The following DENND4A variants were observed in gnomAD, a reference collection of about 807,000 sequenced individuals.
The protein encoded by DENND4A is C-myc promoter-binding protein.
In DENND4A, 70 loss-of-function variants were observed where a neutral mutation model predicts 199.3. That is an observed-to-expected ratio of 0.35 (90% CI 0.29 to 0.43). The LOEUF (loss-of-function observed/expected upper bound fraction) is 0.43. Among genes scored for constraint, DENND4A ranks in the 20% least tolerant of loss-of-function variants. The pLI, the probability that DENND4A is intolerant of heterozygous loss-of-function variation, is 1.00. For missense variants in DENND4A, 1,723 were observed against 2,255.8 expected (o/e 0.76, Z 4.78); for synonymous variants, 686 against 766.9 (o/e 0.89, Z 1.74).
intron 15 of DENND4A, among the ~76,000 whole-genome samples, chr15:65,704,331 G>A (rs952684729): frequency 4.6e-5 from 7 of 152,074 alleles, no homozygotes; most frequent in African/African-American, 9.7e-5. Context: ...GAAAAAAACC[G>A]ACAGATTCTT....
At chr15:65,749,995 A>G (rs1178232922) in intron 4 of DENND4A, among the ~76,000 whole-genome samples, 1 of 152,242 alleles carries the variant, frequency 6.6e-6, no homozygotes, top group Non-Finnish European at 1.5e-5. Flanking sequence ...AAAAAACTGA[A>G]AATAACTTGT....
rs376688646 is a variant in DENND4A, at chr15:65,722,954, A to T, written c.1488-6T>A. The T allele has an allele frequency of 5.6e-5, 89 of 1,595,346 alleles. No individual in the cohort carries two copies. Among genetic ancestry groups the T allele is most frequent in the Non-Finnish European group, 7.1e-5 (83 of 1,169,994 alleles). ...CATTTTTCTTGTCACCAATTCTAAG[A>T]TTAAATAACAACAGGAATATATTTG... On this transcript the variant is annotated splice_polypyrimidine_tract_variant and splice_region_variant and intron_variant, in intron 11 of 32. Transcript: ENST00000443035.
At chr15:65,722,195 A>C (rs1050033923) in intron 12 of DENND4A, among the ~76,000 whole-genome samples, 3 of 152,204 alleles carry the variant, frequency 2.0e-5, no homozygotes, top group Non-Finnish European at 4.4e-5. Context: ...GTGTATGAAA[A>C]AAATAGGCCA....
chr15:65,777,851 C>T (rs986675481), intron 1 of DENND4A, among the ~76,000 whole-genome samples: 5 of 151,976 alleles, frequency 3.3e-5, no homozygotes, highest in South Asian at 2.1e-4. Context: ...CTGGCCAATA[C>T]GGTGAAACCC....
intron 3 of DENND4A, among the ~76,000 whole-genome samples, chr15:65,753,664 T>C (rs909844950): frequency 6.6e-6 from 1 of 151,910 alleles, no homozygotes; most frequent in African/African-American, 2.4e-5. Context: ...TAGCTACAAA[T>C]TAAATATGTT....
At chr15:65,782,821 A>G (rs1473104223) in intron 1 of DENND4A, among the ~76,000 whole-genome samples, 1 of 152,196 alleles carries the variant, frequency 6.6e-6, no homozygotes, top group Non-Finnish European at 1.5e-5. Context: ...TTAATGCTCT[A>G]TCAAAGAGCA....
intron 1 of DENND4A, among the ~76,000 whole-genome samples, chr15:65,778,575 G>C (rs1452263884): frequency 6.6e-6 from 1 of 151,876 alleles, no homozygotes; most frequent in Admixed American, 6.6e-5. Context: ...GAAGTCACAT[G>C]AATTTTTTGG....
At chr15:65,755,883 T>C (rs2076688537) in intron 3 of DENND4A, among the ~76,000 whole-genome samples, 1 of 152,244 alleles carries the variant, frequency 6.6e-6, no homozygotes, top group African/African-American at 2.4e-5. Context: ...TTTCTAGTAC[T>C]TTCCTGCAAA....
rs998487486 is a variant in DENND4A at position 65,717,922 on chromosome 15, A to C, written c.1663T>G (p.Leu555Val). ...TGGATTTCCAAATCTATCATGTGCA[A>C]CCTCTTTCCAGAATTAAAATCATAG... The part of the protein sequence containing the change: ...NDYDFNSGKR[L>V]HMIDLEIQEA... The change falls in exon 13 of 33, where the codon TTG (leucine) becomes GTG (valine). Residue 555 changes from leucine to valine, a missense_variant. By Grantham distance (32) the Leu-to-Val change is conservative (BLOSUM62 1). This residue lies in a region of DENND4A where 725 missense variants were observed against 952.9 expected (regional missense o/e 0.76). Coordinates refer to ENST00000443035, the MANE Select transcript of DENND4A (RefSeq NM_001320835.1). The C allele has an allele frequency of 6.2e-7, 1 of 1,609,494 alleles. No individual in the cohort carries two copies. Among genetic ancestry groups the C allele is most frequent in the Non-Finnish European group, 8.5e-7 (1 of 1,177,734 alleles).
intron 14 of DENND4A, among the ~76,000 whole-genome samples, 175 bp from the exon 15 acceptor site, chr15:65,706,399 G>T (rs945729566): frequency 6.7e-6 from 1 of 149,904 alleles, no homozygotes; most frequent in Non-Finnish European, 1.5e-5. Context: ...ATAGCAAAGT[G>T]CAAACTGTAA....
intron 1 of DENND4A, among the ~76,000 whole-genome samples, chr15:65,787,024 T>C (rs952311415): frequency 2.6e-5 from 4 of 152,184 alleles, no homozygotes; most frequent in African/African-American, 7.2e-5. Context: ...AACTATGATA[T>C]AAATAGTTAT....
At chr15:65,742,890 A>G (rs1433514130) in intron 4 of DENND4A, among the ~76,000 whole-genome samples, 2 of 152,224 alleles carry the variant, frequency 1.3e-5, no homozygotes, top group African/African-American at 4.8e-5. Flanking sequence ...AATAAGTTTT[A>G]CTAAATAAAT....
At chr15:65,786,900 G>A (rs571055780) in intron 1 of DENND4A, among the ~76,000 whole-genome samples, 17 of 152,260 alleles carry the variant, frequency 1.1e-4, no homozygotes, top group African/African-American at 3.9e-4. Flanking sequence ...CTCTGGGAGG[G>A]GAGATGAAGG....
chr15:65,681,690 C>T (rs949040107), intron 23 of DENND4A, among the ~76,000 whole-genome samples: 1 of 151,986 alleles, frequency 6.6e-6, no homozygotes, highest in South Asian at 2.1e-4. Context: ...ATTCTCCCAC[C>T]TCCGCTTCCT....
chr15:65,742,101 A>G (rs2076275195), intron 4 of DENND4A, among the ~76,000 whole-genome samples: 1 of 152,232 alleles, frequency 6.6e-6, no homozygotes, highest in Admixed American at 6.5e-5. Flanking sequence ...GATAAACTAT[A>G]AAGTATCTAC....
At chr15:65,752,326 A>G in intron 4 of DENND4A, 53 bp downstream of exon 4, 1 of 556,628 alleles carries the variant, frequency 1.8e-6, no homozygotes, top group Non-Finnish European at 2.7e-6. Context: ...TGTATTTAAA[A>G]TTATGCTCTT....
Position 65,690,773 on chromosome 15 carries a change from C to G in DENND4A, c.3821G>C (p.Arg1274Pro), listed in dbSNP as rs374961379. 3 of 1,613,438 alleles carry G rather than the reference C, an allele frequency of 1.9e-6. No homozygotes were observed. The South Asian group carries it at 3.3e-5, about 18-fold the overall frequency. ...TSRTPSIDLQRACDDKLNKKS... is the reference protein window; with the variant it reads ...TSRTPSIDLQPACDDKLNKKS... ...CTTATTTAATTTATCATCACATGCC[C>G]GTTGTAAATCAATGCTTGGTGTACG... The change falls in exon 23 of 33, where the codon CGG (arginine) becomes CCG (proline). Residue 1274 changes from arginine (R) to proline (P), a missense_variant. Arg to Pro is a moderately radical substitution (Grantham distance 103, BLOSUM62 -2). This residue lies in a region of DENND4A where 650 missense variants were observed against 738.1 expected (regional missense o/e 0.88). Transcript: ENST00000443035.
intron 23 of DENND4A, among the ~76,000 whole-genome samples, chr15:65,682,757 C>A (rs1001969839): frequency 6.6e-6 from 1 of 152,072 alleles, no homozygotes; most frequent in African/African-American, 2.4e-5. Context: ...ATGTGTGACT[C>A]GTCCTTTCAT....
chr15:65,717,705 T>C lies in DENND4A; in HGVS notation c.1807+73A>G, dbSNP rs537121133. The C allele has an allele frequency of 1.6e-4, 207 of 1,298,006 alleles. 1 individual carries two copies. The African/African-American group carries it at 2.7e-3, about 17-fold the overall frequency. The allele number at this position is 1,298,006 out of a possible 1,614,324, so 80.4% of individuals were successfully genotyped here. A position where few individuals can be genotyped will look rare whatever the true frequency, so the allele number is the denominator to read the frequency against. ...TATTCTCATAAATATGAGCTATTAATACAGACAGCAAATGAATCATCACAA... is the reference window on the plus strand; with the variant it reads ...TATTCTCATAAATATGAGCTATTAACACAGACAGCAAATGAATCATCACAA... On this transcript the variant is annotated intron_variant, in intron 13 of 32. Transcript: ENST00000443035.
Sources: gnomAD v4.1 joint callset for allele counts (sites outside exome capture counted in the v4.1 genomes callset) on GRCh38, gnomAD v4.1.1 for gene constraint, gnomAD v4.1.1 regional missense constraint, MANE v1.5 for transcripts, NCBI Gene and HGNC (gene_info 2026-07-23, HGNC 2026-07-21) for gene names.